DEXI: variants seen among roughly 807,000 people sequenced by gnomAD.
DEXI encodes dexamethasone-induced protein.
A neutral mutation model predicts 2.5 loss-of-function variants in DEXI; 2 were observed. That is an observed-to-expected ratio of 0.81 (90% CI 0.33 to 2.55). DEXI has a LOEUF of 2.55. DEXI is among the 30% of genes most tolerant of loss of function. The pLI, the probability that DEXI is intolerant of heterozygous loss-of-function variation, is 0.11. For missense variants in DEXI, 108 were observed against 130.3 expected, an observed-to-expected ratio of 0.83 and a Z score of 0.83; for synonymous variants, 71 against 68.7, an observed-to-expected ratio of 1.03 and a Z score of -0.17.
chr16:10,938,564 G>A lies in DEXI; in HGVS notation c.*149+3005C>T, dbSNP rs1005774846. ...CCGGCGTTCCCCTGCTTATGGAAAGGGGCCTGGAGATGAGGCTCGGTCAGA... is the reference window on the plus strand; with the variant it reads ...CCGGCGTTCCCCTGCTTATGGAAAGAGGCCTGGAGATGAGGCTCGGTCAGA... On this transcript the variant is annotated intron_variant, in intron 1 of 1. Transcript: ENST00000331808. The surrounding 1 kb of genome is among the most constrained non-coding windows in gnomAD (Gnocchi z 4.9). 2.6e-5 allele frequency: 4 copies of A among 152,312 alleles called. No individual in the cohort carries two copies. Among genetic ancestry groups the A allele is most frequent in the African/African-American group, 7.2e-5 (3 of 41,542 alleles). The allele number at this position is 152,312 out of a possible 1,614,324, so 9.4% of individuals were successfully genotyped here.
intron 1 of DEXI, chr16:10,932,187 T>A (rs2040825609): frequency 6.6e-6 from 1 of 152,252 alleles, no homozygotes. Flanking sequence ...TCAATTCTCA[T>A]TTGTCACACA....
rs2040959426 is a variant in DEXI at position 10,934,832 on chromosome 16, C to T, written c.*150-5273G>A. The T allele has an allele frequency of 2.0e-5, 3 of 152,272 alleles. No homozygotes were observed. Among genetic ancestry groups the T allele is most frequent in the African/African-American group, 7.2e-5 (3 of 41,456 alleles). 9.4% of individuals were successfully genotyped at this position (152,272 alleles called of 1,614,324 possible). A position where few individuals can be genotyped will look rare whatever the true frequency, so the allele number is the denominator to read the frequency against. On this transcript the variant is annotated intron_variant, in intron 1 of 1. Coordinates refer to ENST00000331808, the MANE Select transcript of DEXI (RefSeq NM_014015.4). The surrounding 1 kb of genome is among the most constrained non-coding windows in gnomAD (Gnocchi z 4.2). ...GGGCCTGGGATGGCAGCTGTGAGGG[C>T]ACCAGCACCATCTGGGGACTCGCTG...
In DEXI at chr16:10,937,251, C is replaced by G. The variant is rs1359987985; in HGVS notation, c.*149+4318G>C. The G allele has an allele frequency of 3.3e-5, 5 of 152,366 alleles. No homozygotes were observed. The highest frequency in any genetic ancestry group is 1.2e-4 in the African/African-American group (5 of 41,456). 9.4% of individuals were successfully genotyped at this position (152,366 alleles called of 1,614,324 possible). A position where few individuals can be genotyped will look rare whatever the true frequency, so the allele number is the denominator to read the frequency against. On this transcript the variant is annotated intron_variant, in intron 1 of 1. Transcript: ENST00000331808. The surrounding 1 kb of genome is among the most constrained non-coding windows in gnomAD (Gnocchi z 4.2). ...GCCTCCCTGTGTCACCATTGTCTGT[C>G]TCTTGCTTAGATGACAGCCACAGCT...
In DEXI at chr16:10,942,332, A is replaced by C; in HGVS notation, c.-327T>G. 4.0e-6 allele frequency: 1 copy of C among 250,594 alleles called. No homozygotes were observed. The highest frequency in any genetic ancestry group is 7.7e-6 in the Non-Finnish European group (1 of 129,162). The allele number at this position is 250,594 out of a possible 1,614,324, so 15.5% of individuals were successfully genotyped here. A position where few individuals can be genotyped will look rare whatever the true frequency, so the allele number is the denominator to read the frequency against. On this transcript the variant is annotated 5_prime_UTR_variant, in exon 1 of 2. Coordinates refer to ENST00000331808, the MANE Select transcript of DEXI (RefSeq NM_014015.4). The surrounding 1 kb of genome is among the most constrained non-coding windows in gnomAD (Gnocchi z 5.0). Reference sequence around the variant, plus strand: ...GCCTCGCAGAGCCGGTGGGGATCCCACCGCGGCTCAGTGTCTAGGGCCGGT... The same window carrying C: ...GCCTCGCAGAGCCGGTGGGGATCCCCCCGCGGCTCAGTGTCTAGGGCCGGT...
chr16:10,936,604 T>TTTTG (rs371700801), intron 1 of DEXI: 3 of 152,276 alleles, frequency 2.0e-5, no homozygotes, highest in South Asian at 2.1e-4. Context: ...TAACAGAGGT[T>TTTTG]TTTGTTTGTT....
chr16:10,931,639 T>C (rs2040799714), intron 1 of DEXI: 1 of 152,142 alleles, frequency 6.6e-6, no homozygotes, highest in Admixed American at 6.5e-5. Flanking sequence ...AGATCAGGAG[T>C]TTGAGACCAG....
rs1384107339 is a variant in DEXI, at chr16:10,939,628, G to T, written c.*149+1941C>A. The T allele has an allele frequency of 6.6e-6, 1 of 152,222 alleles. No homozygotes were observed. Among genetic ancestry groups the T allele is most frequent in the Non-Finnish European group, 1.5e-5 (1 of 68,070 alleles). 9.4% of individuals were successfully genotyped at this position (152,222 alleles called of 1,614,324 possible). On this transcript the variant is annotated intron_variant, in intron 1 of 1. Coordinates refer to ENST00000331808, the MANE Select transcript of DEXI (RefSeq NM_014015.4). This position sits in a 1 kb window ranked among gnomAD's most constrained non-coding sequence, Gnocchi z 4.9. ...CTCAAAAGCATCATCTCCTTAGAGA[G>T]GCTTTCTCTGACCCCTCAGCTAAAG...
rs1315089898 is a variant in DEXI at position 10,942,053 on chromosome 16, C to T, written c.-48G>A. On this transcript the variant is annotated 5_prime_UTR_variant, in exon 1 of 2. Transcript: ENST00000331808. This position sits in a 1 kb window ranked among gnomAD's most constrained non-coding sequence, Gnocchi z 5.0. ...GCCCGGCGATCCCGGCGAACTCAGC[C>T]GCTGCGGCGCCCGGGCGGCCGGCGA... 2.2e-6 allele frequency: 3 copies of T among 1,334,132 alleles called. No individual in the cohort carries two copies. The highest frequency in any genetic ancestry group is 3.2e-5 in the East Asian group (1 of 31,652). 82.6% of individuals were successfully genotyped at this position (1,334,132 alleles called of 1,614,324 possible). A position where few individuals can be genotyped will look rare whatever the true frequency, so the allele number is the denominator to read the frequency against.
At chr16:10,933,191 C>G (rs2040872754) in intron 1 of DEXI, 1 of 152,312 alleles carries the variant, frequency 6.6e-6, no homozygotes, top group South Asian at 2.1e-4. Context: ...TTCCCCAGAG[C>G]TGGACAGAGG....
Position 10,929,573 on chromosome 16 carries a change from A to G in DEXI, c.*150-14T>C. ...AGGGGAGCAGGTCTAACAAGAAGGAAAAAGGGGGGTTATTAGCACGGAAGC... is the reference window on the plus strand; with the variant it reads ...AGGGGAGCAGGTCTAACAAGAAGGAGAAAGGGGGGTTATTAGCACGGAAGC... On this transcript the variant is annotated splice_polypyrimidine_tract_variant and intron_variant, in intron 1 of 1. Coordinates refer to ENST00000331808, the MANE Select transcript of DEXI (RefSeq NM_014015.4). This position sits in a 1 kb window ranked among gnomAD's most constrained non-coding sequence, Gnocchi z 4.3. 1 of 985,344 alleles carries G rather than the reference A, an allele frequency of 1.0e-6. No individual in the cohort carries two copies. Among genetic ancestry groups the G allele is most frequent in the Non-Finnish European group, 1.2e-6 (1 of 829,926 alleles). The allele number at this position is 985,344 out of a possible 1,614,324, so 61.0% of individuals were successfully genotyped here.
rs1199207686 is a variant in DEXI at position 10,929,420 on chromosome 16, C to T, written c.*289G>A. The T allele has an allele frequency of 1.0e-5, 10 of 985,778 alleles. No homozygotes were observed. The highest frequency in any genetic ancestry group is 1.2e-5 in the Non-Finnish European group (10 of 829,960). The allele number at this position is 985,778 out of a possible 1,614,324, so 61.1% of individuals were successfully genotyped here. A position where few individuals can be genotyped will look rare whatever the true frequency, so the allele number is the denominator to read the frequency against. On this transcript the variant is annotated 3_prime_UTR_variant, in exon 2 of 2. Transcript: ENST00000331808. The surrounding 1 kb of genome is among the most constrained non-coding windows in gnomAD (Gnocchi z 4.3). ...ATTTGACACTGCAGGCAGATGAGGT[C>T]TTGGGATGCCTCTTGCGTTCCCCCT...
In DEXI at chr16:10,939,651, A is replaced by T. The variant is rs914748281; in HGVS notation, c.*149+1918T>A. 5 of 152,208 alleles carry T rather than the reference A, an allele frequency of 3.3e-5. No individual in the cohort carries two copies. The highest frequency in any genetic ancestry group is 3.3e-4 in the Admixed American group (5 of 15,274). 9.4% of individuals were successfully genotyped at this position (152,208 alleles called of 1,614,324 possible). On this transcript the variant is annotated intron_variant, in intron 1 of 1. Coordinates refer to ENST00000331808, the MANE Select transcript of DEXI (RefSeq NM_014015.4). The surrounding 1 kb of genome is among the most constrained non-coding windows in gnomAD (Gnocchi z 4.9). ...GAGGCTTTCTCTGACCCCTCAGCTA[A>T]AGCAGCCCACCATCTCTATCCTACC...
intron 1 of DEXI, chr16:10,932,651 T>TGA (rs2040845876): frequency 7.2e-6 from 1 of 138,986 alleles, no homozygotes; most frequent in South Asian, 2.4e-4. Flanking sequence ...TAAAACAAAA[T>TGA]CACACACACA....
rs1450463360 is a variant in DEXI, at chr16:10,941,527, GC to G, written c.*149+41del. On this transcript the variant is annotated intron_variant, in intron 1 of 1. Coordinates refer to ENST00000331808, the MANE Select transcript of DEXI (RefSeq NM_014015.4). This position sits in a 1 kb window ranked among gnomAD's most constrained non-coding sequence, Gnocchi z 6.4. ...GGGAATTCCTCCCTCTCCCTTGCTA[GC>G]GCCCCAACCCGCCCTCATCCTGTTC... 6 of 1,400,798 alleles carry G rather than the reference GC, an allele frequency of 4.3e-6. No homozygotes were observed. In the East Asian group the frequency reaches 1.6e-4, roughly 38 times the overall value. The allele number at this position is 1,400,798 out of a possible 1,614,324, so 86.8% of individuals were successfully genotyped here.
At position 10,933,316 on chromosome 16, in the gene DEXI, T is replaced by C. The variant is rs1237499684; in HGVS notation, c.*150-3757A>G. On this transcript the variant is annotated intron_variant, in intron 1 of 1. Coordinates refer to ENST00000331808, the MANE Select transcript of DEXI (RefSeq NM_014015.4). ...CAGAGAAGCTGCCTGGTTCAGGATG[T>C]GGCTTAAGTAAGAAGATGGCCCTGG... is the stretch of plus-strand genomic sequence containing the variant. The C allele has an allele frequency of 2.0e-5, 3 of 152,282 alleles. No homozygotes were observed. In the East Asian group the frequency reaches 5.8e-4, roughly 29 times the overall value. 9.4% of individuals were successfully genotyped at this position (152,282 alleles called of 1,614,324 possible). A position where few individuals can be genotyped will look rare whatever the true frequency, so the allele number is the denominator to read the frequency against.
intron 1 of DEXI, chr16:10,935,759 A>T (rs1438163983): frequency 6.6e-6 from 1 of 152,254 alleles, no homozygotes; most frequent in Non-Finnish European, 1.5e-5. Context: ...AGAATGCCTC[A>T]TCTGAATCTA....
chr16:10,932,080 G>A (rs2040820884), intron 1 of DEXI: 1 of 152,216 alleles, frequency 6.6e-6, no homozygotes, highest in Admixed American at 6.5e-5. Context: ...GCCCAGAGAG[G>A]GTGGTGACCT....
rs1038061105 is a variant in DEXI, at chr16:10,934,914, C to T, written c.*150-5355G>A. The T allele has an allele frequency of 1.3e-5, 2 of 152,234 alleles. No individual in the cohort carries two copies. Among genetic ancestry groups the T allele is most frequent in the African/African-American group, 4.8e-5 (2 of 41,458 alleles). The allele number at this position is 152,234 out of a possible 1,614,324, so 9.4% of individuals were successfully genotyped here. A position where few individuals can be genotyped will look rare whatever the true frequency, so the allele number is the denominator to read the frequency against. On this transcript the variant is annotated intron_variant, in intron 1 of 1. Coordinates refer to ENST00000331808, the MANE Select transcript of DEXI (RefSeq NM_014015.4). The surrounding 1 kb of genome is among the most constrained non-coding windows in gnomAD (Gnocchi z 4.2). ...CAAAGGCTGCCCACACAGACACACC[C>T]TCCTTGGTAACCAGTCCTCAGGAGG...
chr16:10,942,070 G>A lies in DEXI; in HGVS notation c.-65C>T. The A allele has an allele frequency of 7.8e-7, 1 of 1,285,420 alleles. No individual in the cohort carries two copies. Among genetic ancestry groups the A allele is most frequent in the Non-Finnish European group, 1.0e-6 (1 of 1,004,346 alleles). 79.6% of individuals were successfully genotyped at this position (1,285,420 alleles called of 1,614,324 possible). A position where few individuals can be genotyped will look rare whatever the true frequency, so the allele number is the denominator to read the frequency against. On this transcript the variant is annotated 5_prime_UTR_variant, in exon 1 of 2. Coordinates refer to ENST00000331808, the MANE Select transcript of DEXI (RefSeq NM_014015.4). This position sits in a 1 kb window ranked among gnomAD's most constrained non-coding sequence, Gnocchi z 5.0. ...AACTCAGCCGCTGCGGCGCCCGGGC[G>A]GCCGGCGAGGGCACAGCGCAGCCAT...
Sources: gnomAD v4.1 joint callset for allele counts on GRCh38, gnomAD v4.1.1 for gene constraint, Gnocchi (gnomAD v3.1) non-coding constraint, MANE v1.5 for transcripts, NCBI Gene and HGNC (gene_info 2026-07-23, HGNC 2026-07-21) for gene names.